CADM2: variants seen among roughly 807,000 people sequenced by gnomAD.
CADM2 encodes cell adhesion molecule 2.
A neutral mutation model predicts 49.8 loss-of-function variants in CADM2; 12 were observed. The observed-to-expected ratio is 0.24, with a 90% CI of 0.15 to 0.39. CADM2 has a LOEUF of 0.39. CADM2 is among the 10% of genes least tolerant of loss of function. The probability of loss-of-function intolerance (pLI) is 1.00; values close to 1 mark genes in which losing one functional copy is unlikely to be tolerated. For synonymous variants in CADM2, 214 were observed against 175.4 expected (o/e 1.22, Z -1.74); for missense variants, 378 against 492.3 (o/e 0.77, Z 2.20).
intron 1 of CADM2, among the ~76,000 whole-genome samples, chr3:85,426,373 C>G (rs1012867240): frequency 4.5e-4 from 68 of 152,126 alleles, no homozygotes; most frequent in African/African-American, 1.6e-3. Context: ...CTCAAGAGAC[C>G]CTACTGCCTC....
chr3:85,699,341 T>C (rs1334543083), intron 1 of CADM2, among the ~76,000 whole-genome samples: 1 of 152,160 alleles, frequency 6.6e-6, no homozygotes, highest in Non-Finnish European at 1.5e-5. Flanking sequence ...GATAGTGCCA[T>C]AATGGGGATT....
At chr3:85,808,547 A>G (rs2072605788) in intron 3 of CADM2, among the ~76,000 whole-genome samples, 1 of 152,198 alleles carries the variant, frequency 6.6e-6, no homozygotes, top group Non-Finnish European at 1.5e-5. Context: ...TCAGGAAAGA[A>G]CACTTCAATT....
intron 1 of CADM2, among the ~76,000 whole-genome samples, chr3:85,392,914 T>C (rs963361204): frequency 7.2e-5 from 11 of 152,096 alleles, no homozygotes; most frequent in African/African-American, 2.7e-4. Context: ...TAATTTTCTT[T>C]TTCTGTGTTG....
At chr3:86,038,570 G>T (rs1380602626) in intron 8 of CADM2, among the ~76,000 whole-genome samples, 6 of 152,106 alleles carry the variant, frequency 3.9e-5, no homozygotes, top group South Asian at 2.1e-4. Context: ...CCCCTCACAG[G>T]CATGTGCATG....
At chr3:85,429,564 A>G (rs1279469221) in intron 1 of CADM2, among the ~76,000 whole-genome samples, 1 of 152,098 alleles carries the variant, frequency 6.6e-6, no homozygotes, top group African/African-American at 2.4e-5. Context: ...GGTTATATTC[A>G]TGGCATGAAC....
chr3:85,875,182 G>T (rs1429945759), intron 3 of CADM2, among the ~76,000 whole-genome samples: 1 of 152,050 alleles, frequency 6.6e-6, no homozygotes, highest in Non-Finnish European at 1.5e-5. Flanking sequence ...GACTGTGAAA[G>T]AACAAAACAG....
chr3:85,308,886 A>T (rs1164746414), intron 1 of CADM2, among the ~76,000 whole-genome samples: 4 of 152,092 alleles, frequency 2.6e-5, no homozygotes, highest in Non-Finnish European at 4.4e-5. Context: ...CAATAATAGA[A>T]GGATATCCTT....
intron 7 of CADM2, among the ~76,000 whole-genome samples, chr3:85,952,654 A>G (rs1371256841): frequency 6.6e-6 from 1 of 150,916 alleles, no homozygotes; most frequent in Non-Finnish European, 1.5e-5. Context: ...TGTTGTACAG[A>G]CTAGAGGCTG....
chr3:85,999,838 A>G (rs1466343675), intron 8 of CADM2, among the ~76,000 whole-genome samples: 1 of 152,170 alleles, frequency 6.6e-6, no homozygotes, highest in African/African-American at 2.4e-5. Flanking sequence ...ACTGCATTCT[A>G]TTATTTTAAG....
intron 1 of CADM2, among the ~76,000 whole-genome samples, chr3:85,508,066 A>G (rs1240583469): frequency 6.6e-6 from 1 of 152,190 alleles, no homozygotes; most frequent in Non-Finnish European, 1.5e-5. Context: ...AAGATTATCT[A>G]TTCCAACTGC....
At chr3:85,826,610 T>C (rs2073924907) in intron 3 of CADM2, among the ~76,000 whole-genome samples, 1 of 151,920 alleles carries the variant, frequency 6.6e-6, no homozygotes, top group Admixed American at 6.6e-5. Flanking sequence ...TAGCAAATGA[T>C]AGTGGGGAAA....
intron 6 of CADM2, among the ~76,000 whole-genome samples, chr3:85,926,664 T>A (rs548891054): frequency 6.6e-5 from 10 of 152,226 alleles, no homozygotes; most frequent in South Asian, 2.1e-4. Flanking sequence ...GTTTTTTTTT[T>A]ATATTATTTG....
chr3:85,487,412 T>C (rs1428391161), intron 1 of CADM2, among the ~76,000 whole-genome samples: 2 of 152,112 alleles, frequency 1.3e-5, no homozygotes, highest in East Asian at 3.9e-4. Context: ...GTGCCTGTAG[T>C]CCCAGCTACT....
At chr3:85,451,231 T>C (rs2037734046) in intron 1 of CADM2, among the ~76,000 whole-genome samples, 1 of 152,068 alleles carries the variant, frequency 6.6e-6, no homozygotes, top group Admixed American at 6.6e-5. Context: ...GACCAGGAAG[T>C]CTCTTTCAGA....
At chr3:85,582,247 G>A (rs1267679249) in intron 1 of CADM2, among the ~76,000 whole-genome samples, 1 of 152,006 alleles carries the variant, frequency 6.6e-6, no homozygotes, top group African/African-American at 2.4e-5. Context: ...TCTAATAATA[G>A]AGTCACTCTA....
chr3:85,875,526 C>T (rs1300306162), intron 3 of CADM2, among the ~76,000 whole-genome samples: 1 of 152,040 alleles, frequency 6.6e-6, no homozygotes, highest in Non-Finnish European at 1.5e-5. Context: ...TATTAGGGTA[C>T]AGATCTAAGT....
intron 7 of CADM2, among the ~76,000 whole-genome samples, chr3:85,959,796 T>G (rs1165137252): frequency 6.6e-6 from 1 of 151,970 alleles, no homozygotes; most frequent in Non-Finnish European, 1.5e-5. Context: ...GCATAATCAA[T>G]AGGCTATAGC....
chr3:85,783,873 C>T (rs1254358491), intron 2 of CADM2, among the ~76,000 whole-genome samples: 3 of 152,120 alleles, frequency 2.0e-5, no homozygotes, highest in Middle Eastern at 3.2e-3. Context: ...GGTGAGAAAA[C>T]ATTTGTCAGA....
In CADM2 at chr3:85,902,894, TAAA is replaced by T. The variant is rs562164354; in HGVS notation, c.530-9476_530-9474del. On this transcript the variant is annotated intron_variant, in intron 5 of 9. Coordinates refer to ENST00000383699, the MANE Select transcript of CADM2 (RefSeq NM_001167675.2). ...TTAAACATATTACATTTTAAGATGTTAAAAACACAACAATACATGATTACAATT... is the reference window on the plus strand; with the variant it reads ...TTAAACATATTACATTTTAAGATGTTAACACAACAATACATGATTACAATT... Among the ~76,000 whole-genome samples the T allele has an allele frequency of 7.6e-3, 1,156 of 151,900 alleles. 13 individuals are homozygous for T. The highest frequency in any genetic ancestry group is 0.029 in the Middle Eastern group (6 of 208).
Sources: gnomAD v4.1 joint callset for allele counts (sites outside exome capture counted in the v4.1 genomes callset) on GRCh38, gnomAD v4.1.1 for gene constraint, MANE v1.5 for transcripts, NCBI Gene and HGNC (gene_info 2026-07-23, HGNC 2026-07-21) for gene names.